HMGB1: variants seen among roughly 807,000 people sequenced by gnomAD.
HMGB1 encodes high mobility group protein B1.
For synonymous variants in HMGB1, 81 were observed against 84.0 expected (o/e 0.96, Z 0.19); for missense variants, 79 against 253.5 (o/e 0.31, Z 4.67).
chr13:30,549,267 A>G (rs1869307476), intron 1 of HMGB1, among the ~76,000 whole-genome samples: 1 of 152,174 alleles, frequency 6.6e-6, no homozygotes, highest in Non-Finnish European at 1.5e-5. Flanking sequence ...TAGGTGACAG[A>G]GTGAGATGCT....
intron 1 of HMGB1, among the ~76,000 whole-genome samples, chr13:30,498,252 G>A (rs1049194006): frequency 3.3e-5 from 5 of 152,162 alleles, no homozygotes; most frequent in African/African-American, 9.7e-5. Context: ...CTCAGGAGGT[G>A]GAGGTTGTAG....
At chr13:30,482,347 T>C (rs1192216284) in intron 1 of HMGB1, among the ~76,000 whole-genome samples, 1 of 152,108 alleles carries the variant, frequency 6.6e-6, no homozygotes, top group Non-Finnish European at 1.5e-5. Context: ...ATCAAGATGG[T>C]AAAGACCAAG....
At chr13:30,463,383 G>A (rs193056442) in intron 2 of HMGB1, 31 bp from the exon 3 acceptor site, 1 of 1,573,180 alleles carries the variant, frequency 6.4e-7, no homozygotes, top group Non-Finnish European at 8.6e-7. Flanking sequence ...AGTTTAAGTT[G>A]TAACATTTAA....
At chr13:30,490,467 A>G (rs1887461986) in intron 1 of HMGB1, among the ~76,000 whole-genome samples, 1 of 152,102 alleles carries the variant, frequency 6.6e-6, no homozygotes, top group African/African-American at 2.4e-5. Context: ...TAGAAATGCA[A>G]AAGTTAGTTG....
chr13:30,530,873 C>CT (rs1888478510), intron 1 of HMGB1, among the ~76,000 whole-genome samples: 1 of 152,058 alleles, frequency 6.6e-6, no homozygotes, highest in African/African-American at 2.4e-5. Context: ...ATAACGAAAT[C>CT]CTGTCTCTAC....
intron 1 of HMGB1, among the ~76,000 whole-genome samples, chr13:30,537,634 A>G (rs1431623232): frequency 1.5e-5 from 2 of 131,730 alleles, no homozygotes; most frequent in Non-Finnish European, 3.2e-5. Flanking sequence ...ATGTGGTGGC[A>G]ATTCATTCAT....
chr13:30,536,875 C>G (rs922471780), intron 1 of HMGB1, among the ~76,000 whole-genome samples: 6 of 152,176 alleles, frequency 3.9e-5, no homozygotes, highest in African/African-American at 1.4e-4. Flanking sequence ...CTACTGACTT[C>G]TTGGCAGCAT....
At chr13:30,530,030 C>A (rs914193765) in intron 1 of HMGB1, among the ~76,000 whole-genome samples, 1 of 151,920 alleles carries the variant, frequency 6.6e-6, no homozygotes. Flanking sequence ...ACAATGACAC[C>A]CATTATTTCA....
chr13:30,581,417 A>G (rs1018576577), intron 1 of HMGB1, among the ~76,000 whole-genome samples: 1 of 152,210 alleles, frequency 6.6e-6, no homozygotes, highest in African/African-American at 2.4e-5. Context: ...TCATTTTTGC[A>G]AAGTTTTATT....
chr13:30,598,885 A>G (rs930926783), intron 1 of HMGB1, among the ~76,000 whole-genome samples: 2 of 132,040 alleles, frequency 1.5e-5, no homozygotes, highest in African/African-American at 5.7e-5. Context: ...TTTTATATAT[A>G]TACATGTACA....
chr13:30,461,916 G>A (rs1886366496), intron 4 of HMGB1, among the ~76,000 whole-genome samples: 1 of 151,860 alleles, frequency 6.6e-6, no homozygotes, highest in Admixed American at 6.6e-5. Context: ...TTAATCCTTA[G>A]TAGGAAATGT....
At chr13:30,550,026 A>G (rs1869351148) in intron 1 of HMGB1, among the ~76,000 whole-genome samples, 1 of 151,746 alleles carries the variant, frequency 6.6e-6, no homozygotes, top group Non-Finnish European at 1.5e-5. Flanking sequence ...CACAAACACT[A>G]TTTTTTAAAG....
intron 1 of HMGB1, among the ~76,000 whole-genome samples, chr13:30,523,755 G>GT (rs1555237129): frequency 8.1e-5 from 12 of 147,500 alleles, no homozygotes; most frequent in Non-Finnish European, 9.0e-5. Context: ...TTTTTTGTTT[G>GT]TTTGAGATGG....
intron 1 of HMGB1, among the ~76,000 whole-genome samples, chr13:30,557,935 C>T (rs551574720): frequency 6.6e-6 from 1 of 152,280 alleles, no homozygotes; most frequent in East Asian, 1.9e-4. Context: ...AACAGTTATG[C>T]CAGTGTCCCT....
chr13:30,580,195 A>C (rs1163791914), intron 1 of HMGB1, among the ~76,000 whole-genome samples: 2 of 152,232 alleles, frequency 1.3e-5, no homozygotes, highest in Non-Finnish European at 2.9e-5. Context: ...TTTCCATTTA[A>C]AAAGTTCTAG....
chr13:30,464,761 T>TTGTGTGTGTGTGTGTGTGTGTGTGTGTG (rs376284891), intron 1 of HMGB1: 6 of 164,170 alleles, frequency 3.7e-5, no homozygotes, highest in South Asian at 4.6e-4. Flanking sequence ...CTCCTTCCCT[T>TTGTGTGTGTGTGTGTGTGTGTGTGTGTG]TGTGTGTGTG....
intron 1 of HMGB1, chr13:30,554,322 A>G (rs1170175565): frequency 2.0e-6 from 2 of 1,000,286 alleles, no homozygotes; most frequent in Admixed American, 3.4e-5. Context: ...CATTGTAGCG[A>G]AGGCACTGGG....
intron 1 of HMGB1, among the ~76,000 whole-genome samples, chr13:30,590,391 C>T (rs1034603849): frequency 5.3e-5 from 8 of 151,992 alleles, no homozygotes; most frequent in Non-Finnish European, 1.0e-4. Context: ...GTAGAGACGG[C>T]GTTTCACCAT....
chr13:30,556,705 A>T (rs8001337), intron 1 of HMGB1, among the ~76,000 whole-genome samples: 49,347 of 152,154 alleles, frequency 0.32, 9,683 homozygotes, highest in Non-Finnish European at 0.44. Flanking sequence ...AAGCTAAAAA[A>T]AGTTGATCTC....
Sources: gnomAD v4.1 joint callset for allele counts (sites outside exome capture counted in the v4.1 genomes callset) on GRCh38, gnomAD v4.1.1 for gene constraint, MANE v1.5 for transcripts, NCBI Gene and HGNC (gene_info 2026-07-23, HGNC 2026-07-21) for gene names.